Variants in ABCA13 observed in about 807,000 individuals in gnomAD.
ABCA13 encodes ATP binding cassette subfamily A member 13, also known as ATP-binding cassette sub-family A member 13.
A neutral mutation model predicts 478.7 loss-of-function variants in ABCA13; 476 were observed. That is an observed-to-expected ratio of 0.99 (90% CI 0.92 to 1.07). The LOEUF is 1.07. Ranked by LOEUF, ABCA13 falls within the 50% of genes least tolerant of loss-of-function variation. The probability of loss-of-function intolerance (pLI) is 0.00; values close to 1 mark genes in which losing one functional copy is unlikely to be tolerated. For missense variants in ABCA13, 6,060 were observed against 5,910.6 expected (o/e 1.03, Z -0.83); for synonymous variants, 2,252 against 2,158.9 (o/e 1.04, Z -1.20).
Position 48,440,376 on chromosome 7 carries a change from G to GT in ABCA13, c.12565+12512dup, listed in dbSNP as rs560786047. 1.8e-3 allele frequency among the ~76,000 whole-genome samples: 277 copies of GT among 152,022 alleles called. 1 individual carries two copies. The highest frequency in any genetic ancestry group is 6.2e-3 in the African/African-American group (258 of 41,462). On this transcript the variant is annotated intron_variant, in intron 42 of 61. Transcript: ENST00000435803. Reference sequence around the variant, plus strand: ...TCATACAGTATATATAGAAGTCTGTGTTTTTTTCTAAGTATTATTTTGTCT... The same window carrying GT: ...TCATACAGTATATATAGAAGTCTGTGTTTTTTTTCTAAGTATTATTTTGTCT...
chr7:48,309,716 G>A (rs911071815), intron 23 of ABCA13, among the ~76,000 whole-genome samples: 1 of 152,144 alleles, frequency 6.6e-6, no homozygotes, highest in Non-Finnish European at 1.5e-5. Flanking sequence ...AAGACCTCAA[G>A]CGAGGGCAAA....
intron 41 of ABCA13, among the ~76,000 whole-genome samples, chr7:48,421,245 T>A (rs916565563): frequency 1.3e-5 from 2 of 152,188 alleles, no homozygotes; most frequent in South Asian, 4.1e-4. Context: ...TAAATTCCAC[T>A]TTTCTTACCC....
intron 8 of ABCA13, among the ~76,000 whole-genome samples, chr7:48,234,912 G>C (rs181015661): frequency 6.6e-6 from 1 of 152,332 alleles, no homozygotes; most frequent in Non-Finnish European, 1.5e-5. Flanking sequence ...TAGGATCTCA[G>C]TCCATGCTGG....
At chr7:48,506,227 A>C (rs981009527) in intron 48 of ABCA13, 109 bp from the exon 49 acceptor site, 1 of 1,224,438 alleles carries the variant, frequency 8.2e-7, no homozygotes, top group Non-Finnish European at 1.2e-6. Flanking sequence ...TGGGCAAAGC[A>C]AGCAGGATAC....
At chr7:48,385,168 G>A (rs994691272) in intron 35 of ABCA13, among the ~76,000 whole-genome samples, 3 of 152,142 alleles carry the variant, frequency 2.0e-5, no homozygotes, top group African/African-American at 7.2e-5. Context: ...AAGTGCAGGG[G>A]TACATGTGCA....
intron 38 of ABCA13, among the ~76,000 whole-genome samples, chr7:48,401,744 A>AACAC (rs55694821): frequency 0.017 from 2,494 of 143,996 alleles, 51 homozygotes; most frequent in African/African-American, 0.05. Context: ...AGAATTTTAA[A>AACAC]ACACACACAC....
chr7:48,266,314 A>G (rs1003607928), intron 15 of ABCA13, among the ~76,000 whole-genome samples: 1 of 151,484 alleles, frequency 6.6e-6, no homozygotes, highest in Non-Finnish European at 1.5e-5. Flanking sequence ...CTTATTTTCA[A>G]TTTTCTGGAA....
chr7:48,457,860 T>C (rs1417449147), intron 43 of ABCA13, among the ~76,000 whole-genome samples: 1 of 152,232 alleles, frequency 6.6e-6, no homozygotes, highest in African/African-American at 2.4e-5. Flanking sequence ...GTTTAGTTAG[T>C]TATGAGGAAA....
chr7:48,275,814 G>T lies in ABCA13; in HGVS notation c.6148G>T (p.Glu2050Ter). Reference protein sequence around the residue: ...EALSSFIEKSETPYNFEELWP... With the variant: ...EALSSFIEKS The stretch of plus-strand genomic sequence containing the variant: ...ATTATCAAGTTTTATTGAAAAAAGT[G>T]AAACACCTTACAACTTTGAAGAACT... The change falls in exon 17 of 62, where the codon GAA becomes TAA. Residue 2050 changes from glutamate to a stop codon, truncating the protein, a stop_gained. Coordinates refer to ENST00000435803, the MANE Select transcript of ABCA13 (RefSeq NM_152701.5). LOFTEE classifies it high-confidence loss of function. The T allele has an allele frequency of 1.9e-6, 3 of 1,612,664 alleles. No homozygotes were observed. Among genetic ancestry groups the T allele is most frequent in the South Asian group, 2.2e-5 (2 of 90,876 alleles).
intron 35 of ABCA13, among the ~76,000 whole-genome samples, chr7:48,386,153 C>T (rs910082947): frequency 1.4e-4 from 21 of 152,286 alleles, no homozygotes; most frequent in Admixed American, 4.6e-4. Flanking sequence ...CTGCCATACA[C>T]ACACAAAATA....
chr7:48,433,296 A>G (rs1044595686), intron 42 of ABCA13, among the ~76,000 whole-genome samples: 1 of 151,818 alleles, frequency 6.6e-6, no homozygotes, highest in Non-Finnish European at 1.5e-5. Flanking sequence ...CACTATGTGA[A>G]TTTTAGCAAC....
At chr7:48,527,922 A>G (rs1203902747) in intron 54 of ABCA13, among the ~76,000 whole-genome samples, 1 of 152,142 alleles carries the variant, frequency 6.6e-6, no homozygotes, top group Non-Finnish European at 1.5e-5. Context: ...ATCTCTGCAT[A>G]ATTTGGGGGT....
At chr7:48,310,393 C>A (rs1207998270) in intron 24 of ABCA13, among the ~76,000 whole-genome samples, 2 of 152,142 alleles carry the variant, frequency 1.3e-5, no homozygotes, top group Non-Finnish European at 2.9e-5. Flanking sequence ...GGCATTGGGA[C>A]AGAGTTGGTG....
intron 42 of ABCA13, among the ~76,000 whole-genome samples, chr7:48,429,609 CA>C (rs1821872678): frequency 6.6e-6 from 1 of 152,094 alleles, no homozygotes; most frequent in Non-Finnish European, 1.5e-5. Flanking sequence ...ATTTTTTGTC[CA>C]TTATTAAAAT....
chr7:48,408,061 C>T (rs955241878), intron 39 of ABCA13, among the ~76,000 whole-genome samples: 1 of 152,176 alleles, frequency 6.6e-6, no homozygotes, highest in Non-Finnish European at 1.5e-5. Flanking sequence ...CATCACCTCA[C>T]ATATTTACCC....
At chr7:48,365,880 C>T (rs1490777052) in intron 31 of ABCA13, among the ~76,000 whole-genome samples, 1 of 152,020 alleles carries the variant, frequency 6.6e-6, no homozygotes, top group Non-Finnish European at 1.5e-5. Flanking sequence ...AAAAGATATC[C>T]TATGCTTATT....
In ABCA13 at chr7:48,434,216, G is replaced by A. The variant is rs531554772; in HGVS notation, c.12565+6345G>A. ...AAATAATAATCATCCTAATGGGTGT[G>A]AAGTGGTATCTCACTGTGGTTTTGA... On this transcript the variant is annotated intron_variant, in intron 42 of 61. Coordinates refer to ENST00000435803, the MANE Select transcript of ABCA13 (RefSeq NM_152701.5). Among the ~76,000 whole-genome samples, 3 of 152,086 alleles carry A rather than the reference G, an allele frequency of 2.0e-5. No individual in the cohort carries two copies. In the East Asian group the frequency reaches 5.8e-4, roughly 29 times the overall value.
At chr7:48,245,109 C>T (rs111258329) in intron 11 of ABCA13, among the ~76,000 whole-genome samples, 2,197 of 152,230 alleles carry the variant, frequency 0.014, 21 homozygotes, top group Middle Eastern at 0.054. Flanking sequence ...TCTTGGTGTC[C>T]GGTAGGGAGA....
chr7:48,624,541 T>TGTTGTTGTA (rs1793479686), intron 59 of ABCA13, among the ~76,000 whole-genome samples: 1 of 151,440 alleles, frequency 6.6e-6, no homozygotes, highest in Non-Finnish European at 1.5e-5. Flanking sequence ...TCGTTGTTGT[T>TGTTGTTGTA]GTTTTCTTTT....
Sources: gnomAD v4.1 joint callset for allele counts (sites outside exome capture counted in the v4.1 genomes callset) on GRCh38, gnomAD v4.1.1 for gene constraint, MANE v1.5 for transcripts, NCBI Gene and HGNC (gene_info 2026-07-23, HGNC 2026-07-21) for gene names.